Variants in MICU1 observed in about 807,000 individuals in gnomAD.
MICU1 encodes mitochondrial calcium uptake 1.
MICU1 carries 45 observed loss-of-function variants against 56.8 expected under a neutral mutation model. That is an observed-to-expected ratio of 0.79 (90% CI 0.62 to 1.02). The LOEUF (loss-of-function observed/expected upper bound fraction) is 1.02, where lower values mean the gene tolerates loss of function less well. Ranked by LOEUF, MICU1 falls within the 50% of genes least tolerant of loss-of-function variation. MICU1 has a pLI of 0.00. For missense variants in MICU1, 504 were observed against 587.1 expected (o/e 0.86, Z 1.46); for synonymous variants, 186 against 195.1 (o/e 0.95, Z 0.39).
chr10:72,436,108 G>A (rs1864708025), intron 8 of MICU1, among the ~76,000 whole-genome samples: 2 of 152,236 alleles, frequency 1.3e-5, no homozygotes. Context: ...TGACCCCCAT[G>A]TAGCCTAACT....
At chr10:72,411,164 T>C (rs1243808340) in intron 9 of MICU1, among the ~76,000 whole-genome samples, 2 of 151,698 alleles carry the variant, frequency 1.3e-5, no homozygotes, top group Middle Eastern at 3.4e-3. Flanking sequence ...GTAATGAGAG[T>C]AGTCAAAGAT....
intron 5 of MICU1, among the ~76,000 whole-genome samples, chr10:72,520,452 G>C (rs994159286): frequency 6.6e-6 from 1 of 152,122 alleles, no homozygotes; most frequent in African/African-American, 2.4e-5. Context: ...ATTTGAAGTA[G>C]TTTATGATTC....
At chr10:72,453,810 C>T (rs762195730) in intron 8 of MICU1, among the ~76,000 whole-genome samples, 1 of 151,658 alleles carries the variant, frequency 6.6e-6, no homozygotes, top group African/African-American at 2.4e-5. Context: ...GGATTACAGG[C>T]GTGAGCCACC....
At chr10:72,388,001 A>G (rs1862949580) in intron 10 of MICU1, among the ~76,000 whole-genome samples, 1 of 152,184 alleles carries the variant, frequency 6.6e-6, no homozygotes, top group Admixed American at 6.5e-5. Flanking sequence ...GTATTCTACT[A>G]TCACCATTCT....
chr10:72,402,893 A>G (rs1863502033), intron 10 of MICU1, among the ~76,000 whole-genome samples: 1 of 152,026 alleles, frequency 6.6e-6, no homozygotes. Flanking sequence ...AAAATAAAAA[A>G]AATTTGCCAG....
At chr10:72,431,114 A>ATCTATCTATCTG (rs1361239461) in intron 8 of MICU1, among the ~76,000 whole-genome samples, 1 of 150,946 alleles carries the variant, frequency 6.6e-6, no homozygotes, top group South Asian at 2.1e-4. Context: ...CTATCTATCT[A>ATCTATCTATCTG]TCTATCTATC....
At chr10:72,407,754 C>T (rs1285927340) in intron 10 of MICU1, among the ~76,000 whole-genome samples, 175 bp downstream of exon 10, 1 of 152,186 alleles carries the variant, frequency 6.6e-6, no homozygotes, top group Non-Finnish European at 1.5e-5. Flanking sequence ...AATATATTCA[C>T]TGAACTTGGC....
At chr10:72,450,561 G>A (rs1865263795) in intron 8 of MICU1, among the ~76,000 whole-genome samples, 1 of 152,120 alleles carries the variant, frequency 6.6e-6, no homozygotes, top group South Asian at 2.1e-4. Flanking sequence ...CTAACAACTT[G>A]CAAAGCCTGT....
At chr10:72,375,290 A>T (rs981453692) in intron 11 of MICU1, among the ~76,000 whole-genome samples, 3 of 152,200 alleles carry the variant, frequency 2.0e-5, no homozygotes, top group Non-Finnish European at 4.4e-5. Flanking sequence ...TGCCAAGGTC[A>T]AACCAGAACC....
At chr10:72,369,646 C>A (rs1862260142) in intron 11 of MICU1, among the ~76,000 whole-genome samples, 1 of 151,900 alleles carries the variant, frequency 6.6e-6, no homozygotes, top group Admixed American at 6.6e-5. Flanking sequence ...CCTAATCCAC[C>A]CTCTTCAGTG....
intron 1 of MICU1, among the ~76,000 whole-genome samples, chr10:72,586,013 C>CTTTTTT (rs71021511): frequency 7.8e-4 from 58 of 74,710 alleles, no homozygotes; most frequent in Non-Finnish European, 1.0e-3. Context: ...TTTTTTTTTT[C>CTTTTTT]TTTTTTTTTT....
rs1010556009 is a variant in MICU1, at chr10:72,368,064, C to CA, written c.*130dup. The stretch of plus-strand genomic sequence containing the variant: ...GGGAAGGGTAAAGAGGGGAAACCGA[C>CA]AGAGTCCTGAGGTCATCCCGGGAGG... On this transcript the variant is annotated 3_prime_UTR_variant, in exon 12 of 12. Coordinates refer to ENST00000361114, the MANE Select transcript of MICU1 (RefSeq NM_001195518.2). The CA allele has an allele frequency of 2.1e-6, 2 of 973,546 alleles. No homozygotes were observed. Among genetic ancestry groups the CA allele is most frequent in the South Asian group, 1.8e-5 (1 of 55,966 alleles). The allele number at this position is 973,546 out of a possible 1,614,324, so 60.3% of individuals were successfully genotyped here. A position where few individuals can be genotyped will look rare whatever the true frequency, so the allele number is the denominator to read the frequency against.
rs533781216 is a variant in MICU1, at chr10:72,522,388, T to C, written c.537+11358A>G. Among the ~76,000 whole-genome samples, 16 of 152,266 alleles carry C rather than the reference T, an allele frequency of 1.1e-4. 1 individual carries two copies. In the South Asian group the frequency reaches 2.9e-3, roughly 28 times the overall value. ...AACAATGATAAATCAAATGGGTTCA[T>C]TGATCCCAAATTCAAACACAACATA... On this transcript the variant is annotated intron_variant, in intron 5 of 11. Transcript: ENST00000361114.
chr10:72,621,341 A>T (rs1202132753), intron 1 of MICU1, among the ~76,000 whole-genome samples: 1 of 152,004 alleles, frequency 6.6e-6, no homozygotes, highest in African/African-American at 2.4e-5. Flanking sequence ...TACAAAAAAA[A>T]AATAGCCAGC....
In MICU1 at chr10:72,373,386, A is replaced by C. The variant is rs146849434; in HGVS notation, c.1270+2397T>G. The stretch of plus-strand genomic sequence containing the variant: ...GCGATGGGATCTCGCTATGTTGCCT[A>C]AGCTGGTCTTGAACTCCTGGCCTCA... On this transcript the variant is annotated intron_variant, in intron 11 of 11. Transcript: ENST00000361114. Among the ~76,000 whole-genome samples the C allele has an allele frequency of 3.7e-3, 568 of 152,172 alleles. 3 individuals carry two copies. The highest frequency in any genetic ancestry group is 0.013 in the African/African-American group (537 of 41,504).
chr10:72,515,919 T>C (rs531325006), intron 5 of MICU1, among the ~76,000 whole-genome samples: 1 of 152,192 alleles, frequency 6.6e-6, no homozygotes, highest in Non-Finnish European at 1.5e-5. Flanking sequence ...ATGGTATCAC[T>C]AGTATATACT....
At chr10:72,515,368 C>T (rs1867615669) in intron 5 of MICU1, among the ~76,000 whole-genome samples, 1 of 152,100 alleles carries the variant, frequency 6.6e-6, no homozygotes, top group South Asian at 2.1e-4. Flanking sequence ...TTGGAGTTCC[C>T]CGCTGTGTCA....
At chr10:72,431,809 C>T (rs1234502699) in intron 8 of MICU1, among the ~76,000 whole-genome samples, 1 of 152,112 alleles carries the variant, frequency 6.6e-6, no homozygotes, top group East Asian at 1.9e-4. Flanking sequence ...AAAAATGTAT[C>T]AATTTGCAAT....
intron 1 of MICU1, among the ~76,000 whole-genome samples, chr10:72,580,665 T>TG (rs1840876350): frequency 6.6e-6 from 1 of 152,114 alleles, no homozygotes; most frequent in Non-Finnish European, 1.5e-5. Flanking sequence ...TTTGTAGAGA[T>TG]GGGGTTTCAC....
Sources: allele counts gnomAD v4.1 joint callset (sites outside exome capture counted in the v4.1 genomes callset), GRCh38; gene constraint gnomAD v4.1.1; transcripts MANE v1.5; gene names NCBI Gene and HGNC (gene_info 2026-07-23, HGNC 2026-07-21).